The following PPM1L variants were observed in gnomAD, a reference collection of about 807,000 sequenced individuals.
The protein encoded by PPM1L is protein phosphatase, Mg2+/Mn2+ dependent 1L.
A neutral mutation model predicts 31.4 loss-of-function variants in PPM1L; 13 were observed. The ratio of observed to expected loss-of-function variants is 0.41; its 90% CI spans 0.27 to 0.66. PPM1L has a LOEUF of 0.66. Among genes scored for constraint, PPM1L ranks in the 30% least tolerant of loss-of-function variants. PPM1L has a pLI of 0.29. For missense variants in PPM1L, 326 were observed against 453.7 expected (o/e 0.72, Z 2.56); for synonymous variants, 184 against 175.4 (o/e 1.05, Z -0.39).
intron 2 of PPM1L, among the ~76,000 whole-genome samples, chr3:160,998,447 T>C (rs1717389490): frequency 6.6e-6 from 1 of 152,190 alleles, no homozygotes; most frequent in Non-Finnish European, 1.5e-5. Context: ...GTGGTTCTTA[T>C]CCATGTCATT....
intron 2 of PPM1L, among the ~76,000 whole-genome samples, chr3:160,997,782 T>C (rs1717370372): frequency 6.6e-6 from 1 of 152,142 alleles, no homozygotes; most frequent in Non-Finnish European, 1.5e-5. Flanking sequence ...AAGAAGCACA[T>C]ATAGTCTGCA....
chr3:160,986,829 T>C (rs1716980011), intron 2 of PPM1L, among the ~76,000 whole-genome samples: 1 of 152,258 alleles, frequency 6.6e-6, no homozygotes, highest in Admixed American at 6.5e-5. Flanking sequence ...TTAGAGTTGC[T>C]GCCAAATCTT....
At chr3:160,782,484 T>G (rs1294772246) in intron 1 of PPM1L, among the ~76,000 whole-genome samples, 1 of 152,200 alleles carries the variant, frequency 6.6e-6, no homozygotes, top group Non-Finnish European at 1.5e-5. Context: ...GCTTTAAAAT[T>G]TAATGAATAG....
intron 2 of PPM1L, among the ~76,000 whole-genome samples, chr3:160,975,419 G>C (rs536993701): frequency 2.6e-5 from 4 of 152,116 alleles, no homozygotes; most frequent in Admixed American, 1.3e-4. Flanking sequence ...GAAAATCATC[G>C]GTAGCTTGAT....
intron 2 of PPM1L, among the ~76,000 whole-genome samples, chr3:160,999,381 T>A (rs2108050360): frequency 6.6e-6 from 1 of 152,316 alleles, no homozygotes; most frequent in East Asian, 1.9e-4. Flanking sequence ...TTCACTGCCC[T>A]AATCTACCTA....
intron 1 of PPM1L, among the ~76,000 whole-genome samples, chr3:160,901,695 A>G (rs760795575): frequency 1.3e-5 from 2 of 152,152 alleles, no homozygotes; most frequent in Non-Finnish European, 2.9e-5. Context: ...TCCTTGGTAC[A>G]TACTTGTTGA....
At chr3:160,837,341 G>T (rs1449959615) in intron 1 of PPM1L, among the ~76,000 whole-genome samples, 2 of 152,148 alleles carry the variant, frequency 1.3e-5, no homozygotes, top group African/African-American at 4.8e-5. Flanking sequence ...AAATGATACT[G>T]TTATAAGCTT....
chr3:160,813,663 A>C (rs959798995), intron 1 of PPM1L, among the ~76,000 whole-genome samples: 6 of 152,176 alleles, frequency 3.9e-5, no homozygotes, highest in Non-Finnish European at 5.9e-5. Context: ...TAACCAGATA[A>C]AATTTAAAAA....
chr3:160,855,575 G>A (rs1189807355), intron 1 of PPM1L, among the ~76,000 whole-genome samples: 3 of 152,068 alleles, frequency 2.0e-5, no homozygotes, highest in Admixed American at 1.3e-4. Flanking sequence ...GAATAGACAC[G>A]TTTCAAAAGA....
chr3:161,042,242 C>G (rs1407669603), intron 2 of PPM1L, among the ~76,000 whole-genome samples: 11 of 152,252 alleles, frequency 7.2e-5, no homozygotes, highest in Non-Finnish European at 1.5e-4. Flanking sequence ...ACTTCTTTAC[C>G]TAGGGAATGC....
intron 2 of PPM1L, among the ~76,000 whole-genome samples, chr3:161,010,318 C>A (rs946589555): frequency 3.9e-5 from 6 of 152,168 alleles, no homozygotes; most frequent in Non-Finnish European, 5.9e-5. Flanking sequence ...CATGTCCCTA[C>A]AAAGGACATG....
At chr3:160,951,593 T>C (rs12636616) in intron 1 of PPM1L, among the ~76,000 whole-genome samples, 1,587 of 152,304 alleles carry the variant, frequency 0.01, 20 homozygotes, top group East Asian at 0.05. Flanking sequence ...GAAGCCATCA[T>C]ACAGAAAGTG....
chr3:161,013,141 G>A (rs1300826579), intron 2 of PPM1L, among the ~76,000 whole-genome samples: 2 of 152,114 alleles, frequency 1.3e-5, no homozygotes, highest in East Asian at 1.9e-4. Flanking sequence ...GATCTTTCCT[G>A]CTTTCTCTTG....
At position 161,027,935 on chromosome 3, in the gene PPM1L, G is replaced by C. The variant is rs572810502; in HGVS notation, c.575-37468G>C. On this transcript the variant is annotated intron_variant, in intron 2 of 3. Transcript: ENST00000498165. The stretch of plus-strand genomic sequence containing the variant: ...ATGGCCTAGGTACTGAACATTAACT[G>C]GTTTAAACAGTAAATCAAAGGTTAT... Among the ~76,000 whole-genome samples the C allele has an allele frequency of 2.6e-5, 4 of 152,236 alleles. No homozygotes were observed. In the South Asian group the frequency reaches 6.2e-4, roughly 24 times the overall value.
rs773975747 is a variant in PPM1L, at chr3:160,862,844, GTT to G, written c.400-98887_400-98886del. 3.9e-4 allele frequency among the ~76,000 whole-genome samples: 60 copies of G among 152,108 alleles called. 1 individual carries two copies. The highest frequency in any genetic ancestry group is 2.2e-4 in the Non-Finnish European group (15 of 67,980). On this transcript the variant is annotated intron_variant, in intron 1 of 3. Transcript: ENST00000498165. ...TGGCAGCAGAATAAAATGATTATCA[GTT>G]TTTTAAAAGCACTAGTGTAAAGAAT... is the stretch of plus-strand genomic sequence containing the variant.
chr3:161,039,345 C>T (rs1718840841), intron 2 of PPM1L, among the ~76,000 whole-genome samples: 1 of 152,112 alleles, frequency 6.6e-6, no homozygotes, highest in East Asian at 1.9e-4. Context: ...TGAGGACTCT[C>T]CTTTGGAAAA....
At chr3:160,970,205 G>A (rs184924247) in intron 2 of PPM1L, among the ~76,000 whole-genome samples, 12 of 152,138 alleles carry the variant, frequency 7.9e-5, no homozygotes, top group Admixed American at 2.6e-4. Flanking sequence ...TAGAATCCCA[G>A]AATTTGGTGG....
Position 161,078,209 on chromosome 3 carries a change from A to G in PPM1L, c.*9052A>G, listed in dbSNP as rs556896994. ...ATGGAAAGGAGGAAAGCACAGAGTGAGGAGAGAAAAAGGGGAAGGAAAAAA... is the reference window on the plus strand; with the variant it reads ...ATGGAAAGGAGGAAAGCACAGAGTGGGGAGAGAAAAAGGGGAAGGAAAAAA... On this transcript the variant is annotated 3_prime_UTR_variant, in exon 4 of 4. Transcript: ENST00000498165. 1 of 152,316 alleles carries G rather than the reference A, an allele frequency of 6.6e-6. No homozygotes were observed. The highest frequency in any genetic ancestry group is 1.5e-5 in the Non-Finnish European group (1 of 68,024). The allele number at this position is 152,316 out of a possible 1,614,324, so 9.4% of individuals were successfully genotyped here.
intron 1 of PPM1L, among the ~76,000 whole-genome samples, chr3:160,791,091 T>C (rs145875871): frequency 1.2e-4 from 19 of 152,256 alleles, no homozygotes; most frequent in African/African-American, 4.6e-4. Flanking sequence ...CAAACTCGAT[T>C]AGCACTACTC....
Sources: gnomAD v4.1 joint callset for allele counts (sites outside exome capture counted in the v4.1 genomes callset) on GRCh38, gnomAD v4.1.1 for gene constraint, MANE v1.5 for transcripts, NCBI Gene and HGNC (gene_info 2026-07-23, HGNC 2026-07-21) for gene names.